The following PRKCA variants were observed in gnomAD, a reference collection of about 807,000 sequenced individuals.
PRKCA encodes the protein protein kinase C alpha.
A neutral mutation model predicts 87.0 loss-of-function variants in PRKCA; 27 were observed. That is an observed-to-expected ratio of 0.31 (90% CI 0.23 to 0.43). The LOEUF (loss-of-function observed/expected upper bound fraction) is 0.43, where lower values mean the gene tolerates loss of function less well. Among genes scored for constraint, PRKCA ranks in the 20% least tolerant of loss-of-function variants. PRKCA has a pLI of 1.00. For synonymous variants in PRKCA, 329 were observed against 311.1 expected, an observed-to-expected ratio of 1.06 and a Z score of -0.61; for missense variants, 518 against 852.3, an observed-to-expected ratio of 0.61 and a Z score of 4.88.
intron 2 of PRKCA, among the ~76,000 whole-genome samples, chr17:66,444,463 C>G (rs1055127650): frequency 2.6e-5 from 4 of 152,238 alleles, no homozygotes; most frequent in South Asian, 4.2e-4. Context: ...AGAGACCTAT[C>G]GTCAGATAGT....
At chr17:66,640,668 A>G (rs1241649842) in intron 3 of PRKCA, among the ~76,000 whole-genome samples, 1 of 152,158 alleles carries the variant, frequency 6.6e-6, no homozygotes, top group Non-Finnish European at 1.5e-5. Context: ...CACTTCACAA[A>G]CACACCGATT....
intron 3 of PRKCA, among the ~76,000 whole-genome samples, chr17:66,559,224 G>A (rs1968604520): frequency 1.3e-5 from 2 of 151,960 alleles, no homozygotes; most frequent in Admixed American, 1.3e-4. Context: ...TGTAATCCTA[G>A]CACTTTGGGA....
chr17:66,596,023 T>C (rs1200277893), intron 3 of PRKCA, among the ~76,000 whole-genome samples: 1 of 152,044 alleles, frequency 6.6e-6, no homozygotes, highest in African/African-American at 2.4e-5. Flanking sequence ...GGGTGGTGGG[T>C]CGCCTCAGGC....
intron 2 of PRKCA, among the ~76,000 whole-genome samples, chr17:66,413,380 C>T (rs200709386): frequency 6.6e-6 from 1 of 152,146 alleles, no homozygotes; most frequent in East Asian, 1.9e-4. Context: ...TGCCAGCCTC[C>T]TGGCACCTCA....
intron 2 of PRKCA, among the ~76,000 whole-genome samples, chr17:66,368,340 G>A (rs776783767): frequency 5.5e-3 from 14 of 2,540 alleles, no homozygotes; most frequent in Admixed American, 0.024. Context: ...GTGTATATAT[G>A]TGTGTGTGTG....
intron 2 of PRKCA, among the ~76,000 whole-genome samples, 167 bp from the exon 3 acceptor site, chr17:66,496,034 C>T (rs1298086475): frequency 1.3e-5 from 2 of 152,064 alleles, no homozygotes; most frequent in Non-Finnish European, 2.9e-5. Context: ...CTAATCAATA[C>T]CAAATGTTGC....
chr17:66,410,609 T>A (rs746392493), intron 2 of PRKCA, among the ~76,000 whole-genome samples: 12 of 152,212 alleles, frequency 7.9e-5, no homozygotes, highest in Non-Finnish European at 1.5e-4. Flanking sequence ...AGAGTCTCAC[T>A]CTGTTACTCA....
At chr17:66,555,887 T>C (rs1461174365) in intron 3 of PRKCA, among the ~76,000 whole-genome samples, 3 of 152,252 alleles carry the variant, frequency 2.0e-5, no homozygotes, top group African/African-American at 7.2e-5. Context: ...GTATTTCATG[T>C]GTCATACCTT....
intron 3 of PRKCA, among the ~76,000 whole-genome samples, chr17:66,571,088 A>G: frequency 6.6e-6 from 1 of 152,246 alleles, no homozygotes; most frequent in East Asian, 1.9e-4. Flanking sequence ...TCGTGTTTAC[A>G]TATACTTCTT....
chr17:66,560,903 C>T (rs1221078761), intron 3 of PRKCA, among the ~76,000 whole-genome samples: 1 of 152,174 alleles, frequency 6.6e-6, no homozygotes, highest in Non-Finnish European at 1.5e-5. Flanking sequence ...AACCAGCCAG[C>T]CAGTGGTCCA....
intron 3 of PRKCA, among the ~76,000 whole-genome samples, chr17:66,578,424 T>A (rs1464783241): frequency 6.6e-6 from 1 of 152,148 alleles, no homozygotes; most frequent in African/African-American, 2.4e-5. Flanking sequence ...AGGGAGTCTT[T>A]CTGTTCATAT....
At chr17:66,338,140 T>A (rs1906821109) in intron 2 of PRKCA, among the ~76,000 whole-genome samples, 1 of 150,566 alleles carries the variant, frequency 6.6e-6, no homozygotes, top group Non-Finnish European at 1.5e-5. Flanking sequence ...TGGGTAGTGC[T>A]TTTAACCTGG....
chr17:66,786,104 A>G (rs1975385146), intron 14 of PRKCA, among the ~76,000 whole-genome samples: 1 of 152,236 alleles, frequency 6.6e-6, no homozygotes. Context: ...CTGGGATTAC[A>G]GGCGTGAGCC....
intron 5 of PRKCA, among the ~76,000 whole-genome samples, chr17:66,679,276 G>T (rs954407998): frequency 2.0e-5 from 3 of 150,208 alleles, no homozygotes; most frequent in South Asian, 2.1e-4. Context: ...TGCCGCCCGG[G>T]TTCACGCCAT....
At chr17:66,756,447 C>A in intron 13 of PRKCA, among the ~76,000 whole-genome samples, 1 of 152,188 alleles carries the variant, frequency 6.6e-6, no homozygotes, top group Admixed American at 6.5e-5. Context: ...GCACACTTCC[C>A]CTCTCCACAC....
chr17:66,436,538 T>C (rs1913404154), intron 2 of PRKCA, among the ~76,000 whole-genome samples: 1 of 152,182 alleles, frequency 6.6e-6, no homozygotes, highest in African/African-American at 2.4e-5. Context: ...GAATATTCAT[T>C]GTATTGAAAG....
chr17:66,775,517 A>G, intron 14 of PRKCA: 1 of 985,440 alleles, frequency 1.0e-6, no homozygotes, highest in Non-Finnish European at 1.2e-6. Context: ...ATCACCCAGC[A>G]GATCTCTGCC....
intron 2 of PRKCA, among the ~76,000 whole-genome samples, chr17:66,458,090 A>G (rs1023682786): frequency 3.9e-5 from 6 of 152,230 alleles, no homozygotes; most frequent in African/African-American, 1.4e-4. Context: ...TTGTGTAAGT[A>G]GCAGTTTCCC....
intron 2 of PRKCA, among the ~76,000 whole-genome samples, chr17:66,354,404 C>G (rs1382053033): frequency 6.6e-6 from 1 of 152,192 alleles, no homozygotes; most frequent in Non-Finnish European, 1.5e-5. Context: ...TTAATCAATA[C>G]TGTTGGTGGT....
Sources: gnomAD v4.1 joint callset for allele counts (sites outside exome capture counted in the v4.1 genomes callset) on GRCh38, gnomAD v4.1.1 for gene constraint, MANE v1.5 for transcripts, NCBI Gene and HGNC (gene_info 2026-07-23, HGNC 2026-07-21) for gene names.